Variants in CCDC91 observed in about 807,000 individuals in gnomAD.
CCDC91 encodes the protein coiled-coil domain-containing protein 91.
Under a neutral mutation model 63.2 loss-of-function variants are expected in CCDC91, and 48 were observed. That is an observed-to-expected ratio of 0.76 (90% CI 0.60 to 0.97). The LOEUF (loss-of-function observed/expected upper bound fraction) is 0.97. Among genes scored for constraint, CCDC91 ranks in the 50% least tolerant of loss-of-function variants. The pLI, the probability that CCDC91 is intolerant of heterozygous loss-of-function variation, is 0.00. For synonymous variants in CCDC91, 167 were observed against 165.8 expected, an observed-to-expected ratio of 1.01 and a Z score of -0.06; for missense variants, 500 against 494.6, an observed-to-expected ratio of 1.01 and a Z score of -0.10.
At chr12:28,427,839 A>G (rs2140028967) in intron 8 of CCDC91, among the ~76,000 whole-genome samples, 1 of 152,288 alleles carries the variant, frequency 6.6e-6, no homozygotes, top group East Asian at 1.9e-4. Flanking sequence ...TAGAAAATAT[A>G]TCTAAATATA....
intron 7 of CCDC91, among the ~76,000 whole-genome samples, chr12:28,383,629 C>T (rs1369286372): frequency 6.6e-6 from 1 of 151,994 alleles, no homozygotes; most frequent in African/African-American, 2.4e-5. Context: ...TGATCCTGGA[C>T]TTGAATTTGG....
chr12:28,474,023 G>C (rs966249591), intron 11 of CCDC91, among the ~76,000 whole-genome samples: 1 of 151,720 alleles, frequency 6.6e-6, no homozygotes, highest in African/African-American at 2.4e-5. Context: ...CTGTTGTCTT[G>C]AAGGATTTTA....
At chr12:28,357,460 C>T (rs901152291) in intron 6 of CCDC91, among the ~76,000 whole-genome samples, 5 of 152,140 alleles carry the variant, frequency 3.3e-5, no homozygotes, top group East Asian at 1.9e-4. Context: ...TCAGATTTTA[C>T]GGACCATGAC....
intron 11 of CCDC91, among the ~76,000 whole-genome samples, chr12:28,467,492 G>A (rs1950603025): frequency 6.6e-6 from 1 of 151,606 alleles, no homozygotes; most frequent in South Asian, 2.1e-4. Context: ...GAGAGAGAGA[G>A]ACTCCAGTAA....
intron 6 of CCDC91, among the ~76,000 whole-genome samples, chr12:28,308,367 AT>A (rs1338234329): frequency 6.6e-6 from 1 of 152,018 alleles, no homozygotes; most frequent in South Asian, 2.1e-4. Flanking sequence ...ACTAAAGTAT[AT>A]TCTAACTAGT....
At chr12:28,301,193 G>T (rs1938034114) in intron 3 of CCDC91, among the ~76,000 whole-genome samples, 1 of 151,426 alleles carries the variant, frequency 6.6e-6, no homozygotes, top group South Asian at 2.1e-4. Context: ...TAGTTAAGTT[G>T]CTGCCTTTAG....
At chr12:28,325,355 A>G (rs1940890457) in intron 6 of CCDC91, among the ~76,000 whole-genome samples, 1 of 152,038 alleles carries the variant, frequency 6.6e-6, no homozygotes, top group South Asian at 2.1e-4. Context: ...TTATTCATCT[A>G]ACAAAAATTT....
intron 3 of CCDC91, among the ~76,000 whole-genome samples, chr12:28,278,475 A>T (rs1382363145): frequency 6.6e-6 from 1 of 152,032 alleles, no homozygotes; most frequent in Non-Finnish European, 1.5e-5. Flanking sequence ...TCTCTAAAAC[A>T]TATCTCCCCT....
At chr12:28,322,412 TC>T (rs1940597222) in intron 6 of CCDC91, among the ~76,000 whole-genome samples, 1 of 151,914 alleles carries the variant, frequency 6.6e-6, no homozygotes, top group African/African-American at 2.4e-5. Flanking sequence ...ATTTAAAAAA[TC>T]CTTGGCCTCT....
intron 11 of CCDC91, among the ~76,000 whole-genome samples, chr12:28,457,090 G>A (rs1345780654): frequency 2.6e-5 from 4 of 152,048 alleles, no homozygotes; most frequent in Non-Finnish European, 4.4e-5. Flanking sequence ...GTGTCACCCT[G>A]TAACCCATGA....
chr12:28,253,593 G>A (rs913042491), intron 1 of CCDC91, among the ~76,000 whole-genome samples: 11 of 152,168 alleles, frequency 7.2e-5, no homozygotes, highest in African/African-American at 2.7e-4. Context: ...GTATTCATAA[G>A]TGTGATTCTC....
chr12:28,436,194 G>T (rs1433260834), intron 8 of CCDC91, among the ~76,000 whole-genome samples: 1 of 151,384 alleles, frequency 6.6e-6, no homozygotes, highest in African/African-American at 2.4e-5. Context: ...TCTGCCTTTT[G>T]TGGTGGTTTT....
intron 3 of CCDC91, among the ~76,000 whole-genome samples, chr12:28,264,467 A>T (rs1220680404): frequency 6.6e-6 from 1 of 151,308 alleles, no homozygotes; most frequent in African/African-American, 2.4e-5. Context: ...ACTTTTTAGT[A>T]AACTAATAAG....
chr12:28,276,738 A>G (rs1948255435), intron 3 of CCDC91, among the ~76,000 whole-genome samples: 1 of 151,984 alleles, frequency 6.6e-6, no homozygotes, highest in African/African-American at 2.4e-5. Context: ...GGTCAAATTT[A>G]CTTTAGAAAA....
At chr12:28,335,387 T>C (rs1326722991) in intron 6 of CCDC91, among the ~76,000 whole-genome samples, 5 of 136,806 alleles carry the variant, frequency 3.7e-5, no homozygotes, top group Non-Finnish European at 8.0e-5. Flanking sequence ...TATTTATATA[T>C]AAATATTATG....
intron 8 of CCDC91, among the ~76,000 whole-genome samples, chr12:28,410,722 A>G (rs1226554733): frequency 2.6e-5 from 4 of 151,986 alleles, no homozygotes; most frequent in Non-Finnish European, 5.9e-5. Flanking sequence ...GGGTTTCACT[A>G]TGTTGGCCGG....
chr12:28,228,160 G>A (rs765500081), intron 1 of CCDC91, among the ~76,000 whole-genome samples: 1 of 151,956 alleles, frequency 6.6e-6, no homozygotes, highest in Non-Finnish European at 1.5e-5. Context: ...CGCATTATTT[G>A]TGGTATTTTT....
At chr12:28,481,612 A>G (rs1196815159) in intron 11 of CCDC91, among the ~76,000 whole-genome samples, 2 of 152,004 alleles carry the variant, frequency 1.3e-5, no homozygotes, top group Non-Finnish European at 2.9e-5. Context: ...AAAATTTATT[A>G]ATCAATTCTT....
At chr12:28,249,382 A>T (rs1565670918) in intron 1 of CCDC91, among the ~76,000 whole-genome samples, 1 of 152,200 alleles carries the variant, frequency 6.6e-6, no homozygotes, top group Non-Finnish European at 1.5e-5. Context: ...GAATGGAACC[A>T]AGAGTTGTAT....
Sources: allele counts gnomAD v4.1 joint callset (sites outside exome capture counted in the v4.1 genomes callset), GRCh38; gene constraint gnomAD v4.1.1; transcripts MANE v1.5; gene names NCBI Gene and HGNC (gene_info 2026-07-23, HGNC 2026-07-21).